Variants in SPAG16 observed in about 807,000 individuals in gnomAD.
SPAG16 encodes sperm associated antigen 16.
SPAG16 carries 86 observed loss-of-function variants against 80.4 expected under a neutral mutation model. The ratio of observed to expected loss-of-function variants is 1.07; its 90% confidence interval spans 0.90 to 1.28. SPAG16 has a LOEUF of 1.28. Among genes scored for constraint, SPAG16 ranks in the 50% most tolerant of loss-of-function variants. The pLI, the probability that SPAG16 is intolerant of heterozygous loss-of-function variation, is 0.00. For synonymous variants in SPAG16, 294 were observed against 265.9 expected (o/e 1.11, Z -1.03); for missense variants, 870 against 765.3 (o/e 1.14, Z -1.61).
chr2:213,777,617 C>T (rs1464829804), intron 10 of SPAG16, among the ~76,000 whole-genome samples: 2 of 152,020 alleles, frequency 1.3e-5, no homozygotes, highest in Admixed American at 1.3e-4. Flanking sequence ...CCTTGTTCGC[C>T]GGGATGGTCT....
At chr2:214,318,834 C>T (rs369455234) in intron 15 of SPAG16, among the ~76,000 whole-genome samples, 1 of 152,078 alleles carries the variant, frequency 6.6e-6, no homozygotes, top group East Asian at 1.9e-4. Flanking sequence ...TTGGCTCTAG[C>T]CGACAGCTCC....
chr2:213,871,865 CACACACACACACACAGAGAGAGAGAGAG>C (rs756331575), intron 11 of SPAG16, among the ~76,000 whole-genome samples: 28,959 of 107,072 alleles, frequency 0.27, 3,199 homozygotes, highest in South Asian at 0.49. Flanking sequence ...CACACACACA[CACACACACACACACAGAGAGAGAGAGAG>C]AGAGAGCAAA....
At chr2:214,063,594 C>G (rs893897840) in intron 13 of SPAG16, among the ~76,000 whole-genome samples, 1 of 152,072 alleles carries the variant, frequency 6.6e-6, no homozygotes, top group African/African-American at 2.4e-5. Context: ...TCCTAAAGCC[C>G]CACCTCTAAT....
intron 15 of SPAG16, among the ~76,000 whole-genome samples, chr2:214,409,687 T>G (rs1702191052): frequency 6.6e-6 from 1 of 152,184 alleles, no homozygotes; most frequent in Non-Finnish European, 1.5e-5. Flanking sequence ...TTGTAAGTAA[T>G]GATTAGCATA....
chr2:214,326,401 C>T (rs1395131726), intron 15 of SPAG16, among the ~76,000 whole-genome samples: 1 of 152,132 alleles, frequency 6.6e-6, no homozygotes, highest in Non-Finnish European at 1.5e-5. Flanking sequence ...GACTTCTAAC[C>T]TTCAGAACTG....
rs183490935 is a variant in SPAG16, at chr2:214,003,260, T to C, written c.1401-10691T>C. ...CTGTGGGAGATCGGTTAATATAAAT[T>C]AATTTTCTAGATAGTGGCCATTTCA... On this transcript the variant is annotated intron_variant, in intron 12 of 15. Transcript: ENST00000331683. 1.0e-3 allele frequency among the ~76,000 whole-genome samples: 159 copies of C among 152,290 alleles called. 1 individual carries two copies. Among genetic ancestry groups the C allele is most frequent in the African/African-American group, 3.5e-3 (146 of 41,560 alleles).
intron 10 of SPAG16, among the ~76,000 whole-genome samples, chr2:213,558,820 G>T (rs1194500404): frequency 6.6e-6 from 1 of 152,020 alleles, no homozygotes; most frequent in Non-Finnish European, 1.5e-5. Context: ...ACCATACTCA[G>T]CTTCAAAAAT....
intron 5 of SPAG16, among the ~76,000 whole-genome samples, chr2:213,334,922 T>C (rs370905368): frequency 1.3e-5 from 2 of 152,290 alleles, no homozygotes; most frequent in East Asian, 3.9e-4. Context: ...CATAACTTAA[T>C]TGTACATTTA....
chr2:213,341,798 C>T (rs1273393154), intron 6 of SPAG16, among the ~76,000 whole-genome samples: 2 of 152,094 alleles, frequency 1.3e-5, no homozygotes, highest in Non-Finnish European at 2.9e-5. Flanking sequence ...AGATCGGCCT[C>T]CCAAAGTGTT....
At chr2:214,069,485 G>A (rs4531876) in intron 13 of SPAG16, among the ~76,000 whole-genome samples, 3,941 of 152,234 alleles carry the variant, frequency 0.026, 82 homozygotes, top group Non-Finnish European at 0.034. Context: ...TAAACTATGA[G>A]TCAGGCAAAA....
At chr2:214,342,328 G>A (rs1465481644) in intron 15 of SPAG16, among the ~76,000 whole-genome samples, 2 of 152,154 alleles carry the variant, frequency 1.3e-5, no homozygotes. Flanking sequence ...AGGTGGGTGA[G>A]CAAGTGAAGC....
chr2:213,683,820 A>G (rs970152239), intron 10 of SPAG16, among the ~76,000 whole-genome samples: 1 of 152,242 alleles, frequency 6.6e-6, no homozygotes, highest in Admixed American at 6.5e-5. Context: ...CCAGTGTACT[A>G]TAATCAGCTT....
At chr2:213,819,852 G>T (rs1259834115) in intron 10 of SPAG16, among the ~76,000 whole-genome samples, 1 of 151,738 alleles carries the variant, frequency 6.6e-6, no homozygotes, top group African/African-American at 2.4e-5. Flanking sequence ...TGCCTCCCGG[G>T]TTCAAACAAT....
intron 15 of SPAG16, among the ~76,000 whole-genome samples, chr2:214,393,790 A>G (rs940341737): frequency 6.6e-6 from 1 of 152,182 alleles, no homozygotes; most frequent in Non-Finnish European, 1.5e-5. Context: ...CTAGAAAAAG[A>G]AACACATCAA....
At chr2:213,874,432 A>G (rs996730922) in intron 11 of SPAG16, among the ~76,000 whole-genome samples, 3 of 152,102 alleles carry the variant, frequency 2.0e-5, no homozygotes, top group Non-Finnish European at 4.4e-5. Context: ...TTTTTGTTAA[A>G]CACAAAGACA....
At chr2:213,285,970 CAT>C (rs2062042142) in intron 1 of SPAG16, 2 of 1,205,018 alleles carry the variant, frequency 1.7e-6, no homozygotes, top group Non-Finnish European at 1.1e-6. Context: ...TCCGTGAACA[CAT>C]AGTTTAATTG....
chr2:213,463,008 G>A (rs2072469934), intron 9 of SPAG16, among the ~76,000 whole-genome samples: 1 of 152,190 alleles, frequency 6.6e-6, no homozygotes, highest in Non-Finnish European at 1.5e-5. Context: ...TTTATTGAAT[G>A]GCTTTGACCA....
At chr2:213,789,503 C>T (rs1056259115) in intron 10 of SPAG16, among the ~76,000 whole-genome samples, 3 of 151,920 alleles carry the variant, frequency 2.0e-5, no homozygotes, top group Admixed American at 6.6e-5. Flanking sequence ...AAAATACACA[C>T]AAGGTGATTA....
intron 10 of SPAG16, among the ~76,000 whole-genome samples, chr2:213,791,182 A>C (rs2070678037): frequency 6.6e-6 from 1 of 152,074 alleles, no homozygotes; most frequent in South Asian, 2.1e-4. Flanking sequence ...TAATATAGAA[A>C]TCCTTACAGT....
Sources: gnomAD v4.1 joint callset for allele counts (sites outside exome capture counted in the v4.1 genomes callset) on GRCh38, gnomAD v4.1.1 for gene constraint, MANE v1.5 for transcripts, NCBI Gene and HGNC (gene_info 2026-07-23, HGNC 2026-07-21) for gene names.